CPA6: variants seen among roughly 807,000 people sequenced by gnomAD.
The protein encoded by CPA6 is carboxypeptidase A6.
Under a neutral mutation model 63.3 loss-of-function variants are expected in CPA6, and 58 were observed. That is an observed-to-expected ratio of 0.92 (90% CI 0.74 to 1.14). The LOEUF (loss-of-function observed/expected upper bound fraction) is 1.14, where lower values mean the gene tolerates loss of function less well. CPA6 is among the 50% of genes most tolerant of loss of function. The pLI is 0.00. For synonymous variants in CPA6, 185 were observed against 179.0 expected (o/e 1.03, Z -0.27); for missense variants, 565 against 526.6 (o/e 1.07, Z -0.71).
At chr8:67,618,104 G>C (rs2128986122) in intron 2 of CPA6, among the ~76,000 whole-genome samples, 1 of 152,266 alleles carries the variant, frequency 6.6e-6, no homozygotes, top group South Asian at 2.1e-4. Context: ...TTACAATGGT[G>C]CCCAGATTAG....
At chr8:67,713,083 A>ATGTGTG (rs368243285) in intron 1 of CPA6, among the ~76,000 whole-genome samples, 772 of 75,598 alleles carry the variant, frequency 0.01, 8 homozygotes, top group East Asian at 0.036. Flanking sequence ...CTGTGTGTGT[A>ATGTGTG]TGTGTGTGTG....
rs768944284 is a variant in CPA6, at chr8:67,506,872, C to T, written c.551G>A (p.Arg184Gln). 9 of 1,613,248 alleles carry T rather than the reference C, an allele frequency of 5.6e-6. No individual in the cohort carries two copies. The highest frequency in any genetic ancestry group is 4.5e-5 in the East Asian group (2 of 44,870). The change falls in exon 6 of 11, where the codon CGA becomes CAA. Residue 184 changes from arginine to glutamine, a missense_variant. Transcript: ENST00000297770. ...GTCTATCCAAACAGCTCTTTTGAGT[C>T]GTGATCGTCTGCCCAGCTGAAAACA... ...LFILKLGRRS[R>Q]LKRAVWIDCG... is the part of the protein sequence containing the mutation.
intron 1 of CPA6, among the ~76,000 whole-genome samples, chr8:67,635,230 C>G (rs1272540689): frequency 1.3e-5 from 2 of 151,608 alleles, no homozygotes; most frequent in Admixed American, 6.6e-5. Context: ...AAGTTTGCTC[C>G]ACTGTGAACA....
intron 8 of CPA6, among the ~76,000 whole-genome samples, chr8:67,482,832 C>T (rs970619685): frequency 2.6e-5 from 4 of 152,158 alleles, no homozygotes; most frequent in Non-Finnish European, 5.9e-5. Flanking sequence ...GAGCCATATT[C>T]TTTTAGCTAT....
chr8:67,639,713 G>T (rs1390579491), intron 1 of CPA6, among the ~76,000 whole-genome samples: 1 of 151,548 alleles, frequency 6.6e-6, no homozygotes, highest in African/African-American at 2.4e-5. Context: ...GGTGAGCAAG[G>T]GGTGTGTTTC....
At chr8:67,604,005 G>A (rs1814562948) in intron 2 of CPA6, among the ~76,000 whole-genome samples, 1 of 152,170 alleles carries the variant, frequency 6.6e-6, no homozygotes, top group Non-Finnish European at 1.5e-5. Context: ...TAATTTGATT[G>A]GAAAGGGTGA....
intron 1 of CPA6, among the ~76,000 whole-genome samples, chr8:67,692,799 G>A (rs1439870431): frequency 3.3e-5 from 5 of 152,216 alleles, no homozygotes; most frequent in Admixed American, 6.5e-5. Context: ...TGACCTCTTC[G>A]CTTCAAATTG....
intron 1 of CPA6, among the ~76,000 whole-genome samples, chr8:67,632,409 T>C (rs547209916): frequency 2.6e-5 from 4 of 151,850 alleles, no homozygotes; most frequent in Non-Finnish European, 4.4e-5. Context: ...CTGGACTCAA[T>C]TGATCCTCCC....
chr8:67,728,111 C>T (rs1440425161), intron 1 of CPA6, among the ~76,000 whole-genome samples: 2 of 141,164 alleles, frequency 1.4e-5, no homozygotes, highest in African/African-American at 2.6e-5. Flanking sequence ...CCCACAAAAA[C>T]CAACAAAACA....
chr8:67,678,232 C>T (rs1457713316), intron 1 of CPA6, among the ~76,000 whole-genome samples: 1 of 141,882 alleles, frequency 7.0e-6, no homozygotes, highest in Admixed American at 6.9e-5. Context: ...CTGTCTCACA[C>T]ACACACACAC....
chr8:67,568,158 C>T (rs1813389580), intron 2 of CPA6, among the ~76,000 whole-genome samples: 1 of 152,118 alleles, frequency 6.6e-6, no homozygotes, highest in African/African-American at 2.4e-5. Flanking sequence ...GAAGGTCTAT[C>T]CCTGCCAAAG....
intron 6 of CPA6, among the ~76,000 whole-genome samples, chr8:67,495,839 C>T (rs1039370748): frequency 6.6e-6 from 1 of 152,144 alleles, no homozygotes; most frequent in African/African-American, 2.4e-5. Context: ...AGGTGTCAGC[C>T]ACTGCACCTG....
At chr8:67,522,673 C>T (rs141801602) in intron 2 of CPA6, among the ~76,000 whole-genome samples, 2,355 of 152,328 alleles carry the variant, frequency 0.015, 21 homozygotes, top group Middle Eastern at 0.048. Context: ...ACTCCCTGGG[C>T]GAGAGCTCTA....
chr8:67,642,793 T>TCACACACACACACACACACACA (rs61054637), intron 1 of CPA6, among the ~76,000 whole-genome samples: 22 of 145,176 alleles, frequency 1.5e-4, no homozygotes, highest in East Asian at 8.1e-4. Flanking sequence ...GGCCTTTATC[T>TCACACACACACACACACACACA]CACACACACA....
intron 2 of CPA6, among the ~76,000 whole-genome samples, chr8:67,610,325 C>G (rs908593469): frequency 4.0e-4 from 60 of 151,858 alleles, no homozygotes; most frequent in African/African-American, 1.4e-3. Context: ...GTGATTGCAC[C>G]ACTGCATTCC....
intron 2 of CPA6, among the ~76,000 whole-genome samples, chr8:67,580,739 A>G (rs540672375): frequency 3.3e-4 from 51 of 152,312 alleles, no homozygotes; most frequent in African/African-American, 1.1e-3. Flanking sequence ...AGGTAAGTTC[A>G]GCTGCAATGG....
chr8:67,524,611 A>G (rs1812324461), intron 2 of CPA6, among the ~76,000 whole-genome samples: 1 of 127,916 alleles, frequency 7.8e-6, no homozygotes, highest in African/African-American at 3.3e-5. Flanking sequence ...CATTTGAAAA[A>G]ACTTTTTTTG....
intron 2 of CPA6, among the ~76,000 whole-genome samples, chr8:67,597,199 T>TC (rs200472072): frequency 1.6e-4 from 21 of 131,404 alleles, no homozygotes; most frequent in African/African-American, 3.2e-4. Context: ...TCTGTGTCTC[T>TC]TTTTTTTTTT....
intron 1 of CPA6, among the ~76,000 whole-genome samples, chr8:67,628,296 C>A (rs139454506): frequency 3.3e-5 from 5 of 152,178 alleles, no homozygotes; most frequent in Non-Finnish European, 7.4e-5. Flanking sequence ...CTTGACTGTG[C>A]AGCAGCTAAG....
Sources: allele counts gnomAD v4.1 joint callset (sites outside exome capture counted in the v4.1 genomes callset), GRCh38; gene constraint gnomAD v4.1.1; transcripts MANE v1.5; gene names NCBI Gene and HGNC (gene_info 2026-07-23, HGNC 2026-07-21).